ARHGEF10: variants seen among roughly 807,000 people sequenced by gnomAD.
The protein encoded by ARHGEF10 is Rho guanine nucleotide exchange factor 10, also known as Rho guanine nucleotide exchange factor (GEF) 10.
In ARHGEF10, 140 loss-of-function variants were observed where a neutral mutation model predicts 147.4. That is an observed-to-expected ratio of 0.95 (90% CI 0.83 to 1.09). The LOEUF is 1.09. ARHGEF10 is among the 50% of genes least tolerant of loss of function. The pLI, the probability that ARHGEF10 is intolerant of heterozygous loss-of-function variation, is 0.00. For synonymous variants in ARHGEF10, 902 were observed against 695.8 expected, an observed-to-expected ratio of 1.30 and a Z score of -4.67; for missense variants, 2,222 against 1,752.7, an observed-to-expected ratio of 1.27 and a Z score of -4.78.
At chr8:1,864,535 G>C in intron 5 of ARHGEF10, 99 bp downstream of exon 5, 1 of 1,280,646 alleles carries the variant, frequency 7.8e-7, no homozygotes, top group Non-Finnish European at 1.1e-6. Context: ...GCCATCCTCA[G>C]CTCTGCGCGG....
chr8:1,886,980 G>A (rs140106687), intron 11 of ARHGEF10, among the ~76,000 whole-genome samples: 172 of 152,276 alleles, frequency 1.1e-3, no homozygotes, highest in African/African-American at 3.9e-3. Context: ...TGTGCATGCT[G>A]TCCAGCTCAC....
At chr8:1,900,629 T>G (rs545598289) in intron 15 of ARHGEF10, among the ~76,000 whole-genome samples, 134 of 152,344 alleles carry the variant, frequency 8.8e-4, no homozygotes, top group African/African-American at 3.1e-3. Context: ...TCTGTTCTTG[T>G]AAGAATTTTG....
At position 1,860,072 on chromosome 8, in the gene ARHGEF10, C is replaced by T. The variant is rs369765551; in HGVS notation, c.369C>T (p.Cys123=). ...AGAATGTGGGTCTCCATGTGCCCTG[C>T]GGGTACTTGGTGCCTGTACCCTGCG... ...EEENVGLHVP[C]GYLVPVPCGY... The change falls in exon 4 of 29, where the codon TGC becomes TGT. Residue 123 remains cysteine (C), a synonymous_variant. Coordinates refer to ENST00000349830, the MANE Select transcript of ARHGEF10 (RefSeq NM_014629.4). 76 of 1,614,076 alleles carry T rather than the reference C, an allele frequency of 4.7e-5. No individual in the cohort carries two copies. In the East Asian group the frequency reaches 9.8e-4, roughly 21 times the overall value.
chr8:1,855,833 A>C (rs1805510454), intron 2 of ARHGEF10, among the ~76,000 whole-genome samples: 1 of 152,154 alleles, frequency 6.6e-6, no homozygotes, highest in Admixed American at 6.5e-5. Flanking sequence ...AATATTCCAG[A>C]AAACAGTTTT....
At chr8:1,938,035 C>T (rs992457937) in intron 26 of ARHGEF10, among the ~76,000 whole-genome samples, 3 of 152,228 alleles carry the variant, frequency 2.0e-5, no homozygotes, top group African/African-American at 4.8e-5. Context: ...GCACCCCCAA[C>T]GTGGCAGGGG....
Position 1,952,750 on chromosome 8 carries a change from T to G in ARHGEF10, c.3443T>G (p.Leu1148Trp). The change falls in exon 28 of 29, where the codon TTG (leucine) becomes TGG (tryptophan). Residue 1148 changes from leucine to tryptophan, a missense_variant. Physicochemically the swap from Leu to Trp is moderately conservative, Grantham distance 61. Transcript: ENST00000349830. ...SVTSLLVCHG[L>W]LMVGTSLGVL... ...ACGAGCCTGCTCGTCTGCCACGGAT[T>G]GCTGATGGTCGGCACCAGCCTGGGA... The G allele has an allele frequency of 1.2e-6, 2 of 1,613,438 alleles. No individual in the cohort carries two copies. Among genetic ancestry groups the G allele is most frequent in the Non-Finnish European group, 1.7e-6 (2 of 1,180,016 alleles).
chr8:1,911,740 C>T (rs969376745), intron 18 of ARHGEF10, among the ~76,000 whole-genome samples: 2 of 152,186 alleles, frequency 1.3e-5, no homozygotes, highest in African/African-American at 2.4e-5. Flanking sequence ...TGCCACGCTG[C>T]AGCCGGTGAA....
At position 1,903,459 on chromosome 8, in the gene ARHGEF10, G is replaced by T. The variant is rs1198578776; in HGVS notation, c.1821+8G>T. ...GAAAGATACCTGAACAAGGTTGAGA[G>T]AGGTTTTCTTCAACTCTATTCCAAA... On this transcript the variant is annotated splice_region_variant and intron_variant, in intron 16 of 28. Coordinates refer to ENST00000349830, the MANE Select transcript of ARHGEF10 (RefSeq NM_014629.4). The T allele has an allele frequency of 6.2e-7, 1 of 1,614,004 alleles. No individual in the cohort carries two copies. Among genetic ancestry groups the T allele is most frequent in the Non-Finnish European group, 8.5e-7 (1 of 1,180,030 alleles).
Position 1,933,831 on chromosome 8 carries a change from G to C in ARHGEF10, c.3111G>C (p.Val1037=). ...DGSWDSEPQK[V]IKLGVLPVRS... ...CCTGGGATTCAGAACCTCAAAAAGT[G>C]ATCAAGTTAGGCGTCCTACCAGTTA... Residue 1037 remains valine (V), a synonymous_variant, in exon 26 of 29, where the codon GTG becomes GTC. Coordinates refer to ENST00000349830, the MANE Select transcript of ARHGEF10 (RefSeq NM_014629.4). 6.2e-7 allele frequency: 1 copy of C among 1,614,224 alleles called. No individual in the cohort carries two copies. The highest frequency in any genetic ancestry group is 8.5e-7 in the Non-Finnish European group (1 of 1,180,034).
intron 2 of ARHGEF10, among the ~76,000 whole-genome samples, chr8:1,853,030 C>T (rs960820816): frequency 1.3e-5 from 2 of 152,200 alleles, no homozygotes; most frequent in African/African-American, 2.4e-5. Flanking sequence ...GAAGAATGGT[C>T]CCCAGGTTAG....
At chr8:1,885,783 C>G in intron 11 of ARHGEF10, 76 bp downstream of exon 11, 2 of 1,173,648 alleles carry the variant, frequency 1.7e-6, no homozygotes, top group Non-Finnish European at 2.5e-6. Context: ...GTGTTTGATG[C>G]TGGTTGGTAA....
intron 1 of ARHGEF10, among the ~76,000 whole-genome samples, chr8:1,825,469 C>A (rs1270176759): frequency 7.1e-6 from 1 of 141,496 alleles, no homozygotes; most frequent in African/African-American, 2.7e-5. Flanking sequence ...TTACCCTGCA[C>A]CCCAGCTGTC....
chr8:1,871,940 A>G (rs1468859497), intron 7 of ARHGEF10, among the ~76,000 whole-genome samples: 2 of 152,224 alleles, frequency 1.3e-5, no homozygotes, highest in Non-Finnish European at 2.9e-5. Context: ...AAATGATGAA[A>G]TAAAAATCCA....
chr8:1,889,579 T>G (rs1393786881), intron 11 of ARHGEF10, among the ~76,000 whole-genome samples: 3 of 93,280 alleles, frequency 3.2e-5, no homozygotes, highest in Non-Finnish European at 6.5e-5. Flanking sequence ...CTGAGTGGGG[T>G]GAGGGGTTTG....
intron 1 of ARHGEF10, chr8:1,826,055 T>C (rs965121368): frequency 6.5e-7 from 1 of 1,545,050 alleles, no homozygotes; most frequent in African/African-American, 1.3e-5. Context: ...AGCATTTATT[T>C]GCTGGCTTTA....
chr8:1,875,023 G>A (rs1162900255), intron 7 of ARHGEF10, among the ~76,000 whole-genome samples: 1 of 32,874 alleles, frequency 3.0e-5, no homozygotes, highest in African/African-American at 1.1e-4. Flanking sequence ...AGGGCGTGTA[G>A]GGGGTAGAGG....
rs1808074264 is a variant in ARHGEF10 at position 1,880,277 on chromosome 8, G to C, written c.960+113G>C. 5 of 768,806 alleles carry C rather than the reference G, an allele frequency of 6.5e-6. No individual in the cohort carries two copies. In the East Asian group the frequency reaches 1.3e-4, roughly 20 times the overall value. The allele number at this position is 768,806 out of a possible 1,614,324, so 47.6% of individuals were successfully genotyped here. On this transcript the variant is annotated intron_variant, in intron 9 of 28. Transcript: ENST00000349830. Reference sequence around the variant, plus strand: ...ACAGCGGTTCTCAAAGGGTGGTCCGGGGCTCCTGGAATCCCCCGACGCTTT... The same window carrying C: ...ACAGCGGTTCTCAAAGGGTGGTCCGCGGCTCCTGGAATCCCCCGACGCTTT...
chr8:1,876,801 T>C (rs779303284), intron 8 of ARHGEF10, 67 bp downstream of exon 8: 8 of 1,549,736 alleles, frequency 5.2e-6, no homozygotes, highest in Non-Finnish European at 7.1e-6. Flanking sequence ...GCTGTGAATA[T>C]GATTGTGATC....
chr8:1,881,618 G>T lies in ARHGEF10; in HGVS notation c.961-1017G>T, dbSNP rs1416743370. 9.8e-5 allele frequency among the ~76,000 whole-genome samples: 15 copies of T among 152,286 alleles called. No individual in the cohort carries two copies. The East Asian group carries it at 2.7e-3, about 28-fold the overall frequency. On this transcript the variant is annotated intron_variant, in intron 9 of 28. Transcript: ENST00000349830. ...GTGATGGAGATGGGCTGGGGCAGGC[G>T]ACGCGGGTGTGAGGCCGTGCGTGTT...
Sources: gnomAD v4.1 joint callset for allele counts (sites outside exome capture counted in the v4.1 genomes callset) on GRCh38, gnomAD v4.1.1 for gene constraint, MANE v1.5 for transcripts, NCBI Gene and HGNC (gene_info 2026-07-23, HGNC 2026-07-21) for gene names.